DPYD: variants seen among roughly 807,000 people sequenced by gnomAD.
The protein encoded by DPYD is dihydropyrimidine dehydrogenase.
DPYD carries 109 observed loss-of-function variants against 116.2 expected under a neutral mutation model. The ratio of observed to expected loss-of-function variants is 0.94; its 90% CI spans 0.80 to 1.10. DPYD has a LOEUF of 1.10. Ranked by LOEUF, DPYD falls within the 50% of genes least tolerant of loss-of-function variation. The pLI is 0.00. For synonymous variants in DPYD, 440 were observed against 432.0 expected (o/e 1.02, Z -0.23); for missense variants, 1,302 against 1,254.5 (o/e 1.04, Z -0.57).
intron 3 of DPYD, among the ~76,000 whole-genome samples, chr1:97,766,118 G>A (rs138706529): frequency 0.018 from 2,708 of 152,188 alleles, 87 homozygotes; most frequent in African/African-American, 0.062. Flanking sequence ...ACACATGCCT[G>A]TAATCCCAGC....
At chr1:97,537,411 G>C (rs1650089626) in intron 12 of DPYD, among the ~76,000 whole-genome samples, 1 of 152,054 alleles carries the variant, frequency 6.6e-6, no homozygotes, top group African/African-American at 2.4e-5. Context: ...GTATAAACAA[G>C]CCTTTTTTCC....
intron 18 of DPYD, among the ~76,000 whole-genome samples, chr1:97,266,377 C>A (rs907369014): frequency 4.6e-5 from 7 of 152,152 alleles, no homozygotes; most frequent in Non-Finnish European, 8.8e-5. Flanking sequence ...GACATCAAGA[C>A]AAAATCTAGG....
At chr1:97,551,317 A>G (rs1012564574) in intron 11 of DPYD, among the ~76,000 whole-genome samples, 25 of 152,160 alleles carry the variant, frequency 1.6e-4, no homozygotes, top group African/African-American at 5.5e-4. Flanking sequence ...TCCCTGTTGC[A>G]TAACAGATCA....
At chr1:97,517,954 T>C (rs959161307) in intron 12 of DPYD, among the ~76,000 whole-genome samples, 1 of 152,148 alleles carries the variant, frequency 6.6e-6, no homozygotes, top group African/African-American at 2.4e-5. Flanking sequence ...TGTTCATAAT[T>C]GTAGCTATAT....
At chr1:97,146,541 T>C (rs1279893542) in intron 20 of DPYD, among the ~76,000 whole-genome samples, 3 of 152,224 alleles carry the variant, frequency 2.0e-5, no homozygotes, top group Non-Finnish European at 2.9e-5. Flanking sequence ...GTTTGTCTGT[T>C]CTGTTTTCAG....
chr1:97,292,708 G>A (rs1610253), intron 18 of DPYD, among the ~76,000 whole-genome samples: 47,034 of 120,406 alleles, frequency 0.39, 7,670 homozygotes, highest in Non-Finnish European at 0.42. Context: ...GTGCACGCGC[G>A]CGCACACGCG....
At chr1:97,575,004 C>T (rs898274063) in intron 10 of DPYD, among the ~76,000 whole-genome samples, 3 of 152,108 alleles carry the variant, frequency 2.0e-5, no homozygotes, top group Non-Finnish European at 4.4e-5. Context: ...GCCATGGGCC[C>T]ATCTTTCAAC....
intron 20 of DPYD, among the ~76,000 whole-genome samples, chr1:97,122,746 C>A (rs1416390659): frequency 6.6e-6 from 1 of 152,102 alleles, no homozygotes; most frequent in Non-Finnish European, 1.5e-5. Flanking sequence ...TTAATCTTTC[C>A]TTATATCACT....
At chr1:97,785,470 C>A (rs1451862561) in intron 3 of DPYD, among the ~76,000 whole-genome samples, 1 of 152,012 alleles carries the variant, frequency 6.6e-6, no homozygotes, top group African/African-American at 2.4e-5. Context: ...TAATTACTTA[C>A]ACACATATTT....
chr1:97,799,717 CTT>C (rs138436962), intron 3 of DPYD, among the ~76,000 whole-genome samples: 1 of 151,582 alleles, frequency 6.6e-6, no homozygotes, highest in Non-Finnish European at 1.5e-5. Flanking sequence ...CTTATCAAAA[CTT>C]TTTTTTGTCT....
chr1:97,267,885 T>C (rs1664335489), intron 18 of DPYD, among the ~76,000 whole-genome samples: 1 of 152,070 alleles, frequency 6.6e-6, no homozygotes, highest in African/African-American at 2.4e-5. Context: ...CACGAACTCC[T>C]AAGTCCAAAG....
At chr1:97,420,936 C>T (rs1159344927) in intron 14 of DPYD, among the ~76,000 whole-genome samples, 1 of 152,170 alleles carries the variant, frequency 6.6e-6, no homozygotes, top group Non-Finnish European at 1.5e-5. Flanking sequence ...TTCTCATCTG[C>T]ACATAGTTTT....
intron 20 of DPYD, among the ~76,000 whole-genome samples, chr1:97,173,277 T>C (rs532769670): frequency 4.0e-5 from 6 of 149,638 alleles, no homozygotes; most frequent in Middle Eastern, 3.5e-3. Context: ...TACATATATA[T>C]GCACACATAT....
chr1:97,574,799 A>G (rs534947618), intron 10 of DPYD, among the ~76,000 whole-genome samples: 3 of 152,226 alleles, frequency 2.0e-5, no homozygotes, highest in South Asian at 2.1e-4. Flanking sequence ...AAATGCAAAA[A>G]TGTCCTACTG....
chr1:97,456,542 G>C (rs1268260613), intron 13 of DPYD, among the ~76,000 whole-genome samples: 2 of 151,940 alleles, frequency 1.3e-5, no homozygotes, highest in African/African-American at 4.8e-5. Context: ...TAATCTCTTA[G>C]GCCAGATTTT....
At chr1:97,449,976 T>A (rs1676318482) in intron 14 of DPYD, 83 bp downstream of exon 14, 1 of 1,531,420 alleles carries the variant, frequency 6.5e-7, no homozygotes, top group Non-Finnish European at 9.0e-7. Context: ...CATTAATATT[T>A]ATAAGCCTAT....
intron 1 of DPYD, among the ~76,000 whole-genome samples, chr1:97,895,999 T>C (rs1310886435): frequency 3.3e-5 from 5 of 151,654 alleles, no homozygotes; most frequent in African/African-American, 1.2e-4. Flanking sequence ...TATAAAAATA[T>C]AACACCCAAT....
rs1350096318 is a variant in DPYD, at chr1:97,766,675, TC to T, written c.234-26197del. On this transcript the variant is annotated intron_variant, in intron 3 of 22. Coordinates refer to ENST00000370192, the MANE Select transcript of DPYD (RefSeq NM_000110.4). Reference sequence around the variant, plus strand: ...AAAGAGTGGTCCCACAAATGTCAAATCCCTAAATAGCAGTAGTTAAGTGTGT... The same window carrying T: ...AAAGAGTGGTCCCACAAATGTCAAATCCTAAATAGCAGTAGTTAAGTGTGT... Among the ~76,000 whole-genome samples the T allele has an allele frequency of 4.6e-5, 7 of 152,224 alleles. No individual in the cohort carries two copies. In the South Asian group the frequency reaches 1.0e-3, roughly 23 times the overall value.
chr1:97,889,910 TTCAATGGAA>T (rs1310091413), intron 1 of DPYD, among the ~76,000 whole-genome samples: 2 of 151,982 alleles, frequency 1.3e-5, no homozygotes, highest in Non-Finnish European at 2.9e-5. Flanking sequence ...GTTCTCCCTC[TTCAATGGAA>T]TAGAATTAGA....
Sources: allele counts gnomAD v4.1 joint callset (sites outside exome capture counted in the v4.1 genomes callset), GRCh38; gene constraint gnomAD v4.1.1; transcripts MANE v1.5; gene names NCBI Gene and HGNC (gene_info 2026-07-23, HGNC 2026-07-21).